CCSER1: variants seen among roughly 807,000 people sequenced by gnomAD.
The protein encoded by CCSER1 is coiled-coil serine rich protein 1.
In CCSER1, 41 loss-of-function variants were observed where a neutral mutation model predicts 82.0. That is an observed-to-expected ratio of 0.50 (90% CI 0.39 to 0.65). The LOEUF is 0.65. Among genes scored for constraint, CCSER1 ranks in the 30% least tolerant of loss-of-function variants. The pLI is 0.00. For missense variants in CCSER1, 1,119 were observed against 1,064.2 expected (o/e 1.05, Z -0.72); for synonymous variants, 414 against 383.9 (o/e 1.08, Z -0.92).
chr4:91,276,909 A>G (rs951588813), intron 10 of CCSER1, among the ~76,000 whole-genome samples: 4 of 152,058 alleles, frequency 2.6e-5, no homozygotes, highest in African/African-American at 7.2e-5. Flanking sequence ...TATTGAGATG[A>G]TCATATGGTT....
intron 10 of CCSER1, among the ~76,000 whole-genome samples, chr4:91,550,459 G>T (rs1050014385): frequency 1.3e-5 from 2 of 152,136 alleles, no homozygotes; most frequent in Non-Finnish European, 2.9e-5. Flanking sequence ...CTCTGTATCT[G>T]CCTATCTGTC....
intron 5 of CCSER1, among the ~76,000 whole-genome samples, chr4:90,479,711 C>CT (rs1237821864): frequency 1.3e-5 from 2 of 152,104 alleles, no homozygotes; most frequent in African/African-American, 4.8e-5. Context: ...TGAACTCATC[C>CT]TTTTTTATGG....
chr4:91,125,690 T>C (rs1307030713), intron 10 of CCSER1, among the ~76,000 whole-genome samples: 1 of 151,664 alleles, frequency 6.6e-6, no homozygotes, highest in African/African-American at 2.4e-5. Context: ...AATAGGCCTA[T>C]TTTATTTCTT....
chr4:90,196,138 C>T (rs1298420862), intron 1 of CCSER1, among the ~76,000 whole-genome samples: 1 of 149,518 alleles, frequency 6.7e-6, no homozygotes, highest in Non-Finnish European at 1.5e-5. Flanking sequence ...TGGTGTGTTC[C>T]AGTTCTGGTC....
At chr4:90,889,439 A>C (rs1042129289) in intron 8 of CCSER1, among the ~76,000 whole-genome samples, 1 of 152,168 alleles carries the variant, frequency 6.6e-6, no homozygotes, top group Non-Finnish European at 1.5e-5. Context: ...TCTTCACAGC[A>C]GTTAGTCCTT....
At chr4:90,899,089 C>A (rs1173845090) in intron 8 of CCSER1, among the ~76,000 whole-genome samples, 1 of 151,898 alleles carries the variant, frequency 6.6e-6, no homozygotes, top group Non-Finnish European at 1.5e-5. Context: ...TATCATGTTT[C>A]TCTATTTCTT....
chr4:91,202,708 A>T (rs1408554827), intron 10 of CCSER1, among the ~76,000 whole-genome samples: 3 of 28,552 alleles, frequency 1.1e-4, no homozygotes, highest in Non-Finnish European at 1.9e-4. Context: ...AAAGAAATTG[A>T]GAGTATGTTA....
chr4:91,000,585 A>G (rs1016218131), intron 9 of CCSER1, among the ~76,000 whole-genome samples: 1 of 151,930 alleles, frequency 6.6e-6, no homozygotes, highest in Non-Finnish European at 1.5e-5. Flanking sequence ...TGCCTGTGTC[A>G]TCTATGATTT....
At chr4:90,561,219 C>G (rs1483142039) in intron 5 of CCSER1, among the ~76,000 whole-genome samples, 1 of 152,196 alleles carries the variant, frequency 6.6e-6, no homozygotes, top group African/African-American at 2.4e-5. Flanking sequence ...CCTGCCTCAA[C>G]ACCACCAAAT....
At chr4:90,471,238 C>A in intron 5 of CCSER1, among the ~76,000 whole-genome samples, 1 of 151,894 alleles carries the variant, frequency 6.6e-6, no homozygotes, top group Admixed American at 6.6e-5. Context: ...GGTTAGGAAT[C>A]CAGGCATTGG....
intron 8 of CCSER1, among the ~76,000 whole-genome samples, chr4:90,839,292 A>C (rs773060050): frequency 1.3e-5 from 2 of 152,234 alleles, no homozygotes; most frequent in African/African-American, 2.4e-5. Context: ...ACACACTTAG[A>C]TAAGTTTATC....
At chr4:90,443,309 C>T (rs554469964) in intron 4 of CCSER1, among the ~76,000 whole-genome samples, 1 of 151,984 alleles carries the variant, frequency 6.6e-6, no homozygotes, top group Non-Finnish European at 1.5e-5. Context: ...TGCATTGGGG[C>T]CATTATTAAG....
At chr4:90,744,232 T>C (rs1012891908) in intron 7 of CCSER1, among the ~76,000 whole-genome samples, 5 of 152,132 alleles carry the variant, frequency 3.3e-5, no homozygotes, top group Admixed American at 2.0e-4. Context: ...TGCTAGACCC[T>C]GAGGGTACAG....
chr4:90,366,580 C>CA (rs1384165150), intron 3 of CCSER1, among the ~76,000 whole-genome samples: 1 of 151,548 alleles, frequency 6.6e-6, no homozygotes, highest in African/African-American at 2.4e-5. Flanking sequence ...CAATAGAACT[C>CA]AAAAGGGAAA....
chr4:90,780,268 G>A (rs1343511959), intron 7 of CCSER1, among the ~76,000 whole-genome samples: 2 of 152,118 alleles, frequency 1.3e-5, no homozygotes, highest in Admixed American at 1.3e-4. Flanking sequence ...TTCCAAAAAG[G>A]AGATAGACCA....
At chr4:91,233,985 T>A (rs563037478) in intron 10 of CCSER1, among the ~76,000 whole-genome samples, 4 of 152,054 alleles carry the variant, frequency 2.6e-5, no homozygotes, top group Admixed American at 2.6e-4. Context: ...AGTGAACTCT[T>A]CTAGAAATGC....
In CCSER1 at chr4:90,578,782, A is replaced by G. The variant is rs552420601; in HGVS notation, c.1725-49243A>G. Among the ~76,000 whole-genome samples, 46 of 152,308 alleles carry G rather than the reference A, an allele frequency of 3.0e-4. 1 individual carries two copies. In the South Asian group the frequency reaches 8.9e-3, roughly 30 times the overall value. On this transcript the variant is annotated intron_variant, in intron 5 of 10. Coordinates refer to ENST00000509176, the MANE Select transcript of CCSER1 (RefSeq NM_001145065.2). ...TAAAAGTATCTAGGAAAATCCTGATATAGACTATCAATAAATGGATACTTG... is the reference window on the plus strand; with the variant it reads ...TAAAAGTATCTAGGAAAATCCTGATGTAGACTATCAATAAATGGATACTTG...
At chr4:91,412,916 T>G (rs1753142965) in intron 10 of CCSER1, among the ~76,000 whole-genome samples, 1 of 149,928 alleles carries the variant, frequency 6.7e-6, no homozygotes, top group South Asian at 2.1e-4. Context: ...TTCAAAATAA[T>G]GATTGTAAAG....
rs540382781 is a variant in CCSER1 at position 90,157,013 on chromosome 4, T to G, written c.-42+29182T>G. Among the ~76,000 whole-genome samples the G allele has an allele frequency of 3.9e-5, 6 of 152,204 alleles. 1 individual carries two copies. In the South Asian group the frequency reaches 6.2e-4, roughly 16 times the overall value. ...GCATGATTTTGCAGTGGCTGGTACCTGTTGTTCCTTTCCATGTTTAGTGCT... is the reference window on the plus strand; with the variant it reads ...GCATGATTTTGCAGTGGCTGGTACCGGTTGTTCCTTTCCATGTTTAGTGCT... On this transcript the variant is annotated intron_variant, in intron 1 of 10. Transcript: ENST00000509176.
Sources: allele counts gnomAD v4.1 joint callset (sites outside exome capture counted in the v4.1 genomes callset), GRCh38; gene constraint gnomAD v4.1.1; transcripts MANE v1.5; gene names NCBI Gene and HGNC (gene_info 2026-07-23, HGNC 2026-07-21).